The following ATP8A2 variants were observed in gnomAD, a reference collection of about 807,000 sequenced individuals.
The protein encoded by ATP8A2 is ATPase phospholipid transporting 8A2.
A neutral mutation model predicts 165.6 loss-of-function variants in ATP8A2; 100 were observed. The observed-to-expected ratio is 0.60, with a 90% CI of 0.51 to 0.71. The LOEUF is 0.71. Among genes scored for constraint, ATP8A2 ranks in the 30% least tolerant of loss-of-function variants. The probability of loss-of-function intolerance (pLI) is 0.00; values close to 1 mark genes in which losing one functional copy is unlikely to be tolerated. For synonymous variants in ATP8A2, 543 were observed against 548.8 expected (o/e 0.99, Z 0.15); for missense variants, 1,227 against 1,479.5 (o/e 0.83, Z 2.80).
intron 1 of ATP8A2, among the ~76,000 whole-genome samples, chr13:25,463,077 C>A (rs2035546823): frequency 6.7e-6 from 1 of 148,596 alleles, no homozygotes. Flanking sequence ...ATGAGGGTGG[C>A]CTGTGTGGCT....
At chr13:25,932,163 G>A (rs74042209) in intron 33 of ATP8A2, among the ~76,000 whole-genome samples, 3,324 of 152,194 alleles carry the variant, frequency 0.022, 83 homozygotes, top group East Asian at 0.063. Flanking sequence ...AAAAAATGTA[G>A]CACGGAAGCA....
intron 33 of ATP8A2, among the ~76,000 whole-genome samples, chr13:25,918,770 G>A (rs539827556): frequency 2.0e-4 from 30 of 152,240 alleles, no homozygotes; most frequent in African/African-American, 5.1e-4. Context: ...CCCAGCAGCC[G>A]ATCCTGGTTA....
intron 33 of ATP8A2, among the ~76,000 whole-genome samples, chr13:25,937,978 G>A (rs1625539): frequency 0.77 from 117,380 of 151,766 alleles, 45,611 homozygotes; most frequent in East Asian, 0.99. Flanking sequence ...CTATAAACGT[G>A]GGAAGTTCTC....
At chr13:25,587,217 A>C (rs1292788899) in intron 23 of ATP8A2, among the ~76,000 whole-genome samples, 1 of 152,218 alleles carries the variant, frequency 6.6e-6, no homozygotes, top group African/African-American at 2.4e-5. Context: ...ATAATTTGCT[A>C]CATTAGTTAA....
At chr13:25,712,899 A>G (rs2043183874) in intron 25 of ATP8A2, among the ~76,000 whole-genome samples, 1 of 152,216 alleles carries the variant, frequency 6.6e-6, no homozygotes, top group Non-Finnish European at 1.5e-5. Flanking sequence ...TTCATGTTTA[A>G]AACTATGTGA....
intron 24 of ATP8A2, among the ~76,000 whole-genome samples, chr13:25,691,622 A>G (rs2042727513): frequency 6.6e-6 from 1 of 152,232 alleles, no homozygotes; most frequent in African/African-American, 2.4e-5. Context: ...ATGTTTGCTT[A>G]ATGCCTGTGA....
chr13:25,566,708 T>C (rs1354824003), intron 16 of ATP8A2, among the ~76,000 whole-genome samples: 1 of 152,220 alleles, frequency 6.6e-6, no homozygotes, highest in African/African-American at 2.4e-5. Flanking sequence ...TGGATCCCCA[T>C]TTACATCAGA....
intron 27 of ATP8A2, among the ~76,000 whole-genome samples, chr13:25,825,919 C>A (rs1191778607): frequency 6.6e-6 from 1 of 151,306 alleles, no homozygotes; most frequent in Non-Finnish European, 1.5e-5. Flanking sequence ...AGCATCAGAT[C>A]CTACAAAGAA....
At chr13:25,866,811 T>A (rs1952519750) in intron 33 of ATP8A2, among the ~76,000 whole-genome samples, 2 of 152,202 alleles carry the variant, frequency 1.3e-5, no homozygotes, top group Admixed American at 1.3e-4. Flanking sequence ...TAGAATGTTT[T>A]AGCTCCTGCT....
chr13:25,929,986 A>T (rs919099194), intron 33 of ATP8A2, among the ~76,000 whole-genome samples: 1 of 152,114 alleles, frequency 6.6e-6, no homozygotes, highest in African/African-American at 2.4e-5. Context: ...GGTTCTCTCC[A>T]GCTTGTAGGT....
At chr13:25,741,559 T>TC (rs1169729672) in intron 25 of ATP8A2, among the ~76,000 whole-genome samples, 2 of 152,036 alleles carry the variant, frequency 1.3e-5, no homozygotes, top group East Asian at 3.9e-4. Context: ...TTTTTAATTT[T>TC]TTTTTTTTTG....
At chr13:25,795,007 C>T (rs1373515926) in intron 27 of ATP8A2, among the ~76,000 whole-genome samples, 3 of 152,044 alleles carry the variant, frequency 2.0e-5, no homozygotes, top group Non-Finnish European at 4.4e-5. Context: ...ATCCAGCCAT[C>T]CATGACTGAG....
intron 2 of ATP8A2, among the ~76,000 whole-genome samples, chr13:25,479,274 T>C (rs2036087707): frequency 6.6e-6 from 1 of 152,246 alleles, no homozygotes; most frequent in African/African-American, 2.4e-5. Context: ...GGATTATGGA[T>C]GTAAGTACAT....
intron 25 of ATP8A2, among the ~76,000 whole-genome samples, chr13:25,704,369 T>C (rs1472894118): frequency 6.6e-6 from 1 of 151,200 alleles, no homozygotes; most frequent in Admixed American, 6.6e-5. Flanking sequence ...AGTCTTGCTC[T>C]GTCACCTAGT....
chr13:25,857,242 C>A (rs1274335154), intron 30 of ATP8A2, among the ~76,000 whole-genome samples: 1 of 152,178 alleles, frequency 6.6e-6, no homozygotes, highest in East Asian at 1.9e-4. Flanking sequence ...GAACACTCAC[C>A]CTGTAGATCC....
intron 33 of ATP8A2, among the ~76,000 whole-genome samples, chr13:25,925,203 T>A (rs1205793127): frequency 6.6e-6 from 1 of 152,152 alleles, no homozygotes; most frequent in African/African-American, 2.4e-5. Flanking sequence ...TCACAGTGAC[T>A]TTCAGGTGCT....
At chr13:25,988,370 C>T (rs1318207218) in intron 35 of ATP8A2, among the ~76,000 whole-genome samples, 1 of 152,242 alleles carries the variant, frequency 6.6e-6, no homozygotes, top group African/African-American at 2.4e-5. Context: ...TCTCATGCAT[C>T]CAGCTCAGCC....
At chr13:25,386,270 G>T (rs11843402) in intron 1 of ATP8A2, among the ~76,000 whole-genome samples, 9,079 of 152,094 alleles carry the variant, frequency 0.06, 756 homozygotes, top group African/African-American at 0.19. Flanking sequence ...TGAGTGCATG[G>T]GAGAATTCAG....
At chr13:25,858,397 A>G (rs1952234210) in intron 30 of ATP8A2, among the ~76,000 whole-genome samples, 1 of 152,162 alleles carries the variant, frequency 6.6e-6, no homozygotes, top group South Asian at 2.1e-4. Flanking sequence ...GTCAGTGGCC[A>G]TGTCTCGCCC....
Sources: gnomAD v4.1 joint callset for allele counts (sites outside exome capture counted in the v4.1 genomes callset) on GRCh38, gnomAD v4.1.1 for gene constraint, MANE v1.5 for transcripts, NCBI Gene and HGNC (gene_info 2026-07-23, HGNC 2026-07-21) for gene names.